Variants in CAMK1D observed in about 807,000 individuals in gnomAD.
The protein encoded by CAMK1D is calcium/calmodulin-dependent protein kinase type 1D.
CAMK1D carries 9 observed loss-of-function variants against 47.7 expected under a neutral mutation model. That is an observed-to-expected ratio of 0.19 (90% CI 0.11 to 0.33). The LOEUF (loss-of-function observed/expected upper bound fraction) is 0.33. CAMK1D is among the 10% of genes least tolerant of loss of function. CAMK1D has a pLI of 1.00. For synonymous variants in CAMK1D, 184 were observed against 184.9 expected, an observed-to-expected ratio of 0.99 and a Z score of 0.04; for missense variants, 291 against 488.7, an observed-to-expected ratio of 0.60 and a Z score of 3.81.
At chr10:12,374,400 G>C (rs1838110356) in intron 1 of CAMK1D, among the ~76,000 whole-genome samples, 1 of 151,998 alleles carries the variant, frequency 6.6e-6, no homozygotes, top group Non-Finnish European at 1.5e-5. Context: ...CATTCCCCGT[G>C]AACTCCTAAA....
intron 1 of CAMK1D, among the ~76,000 whole-genome samples, chr10:12,404,699 T>A (rs79138257): frequency 0.02 from 1,853 of 90,638 alleles, 33 homozygotes; most frequent in African/African-American, 0.072. Flanking sequence ...TTTTTAAAAA[T>A]TTTTTTTTTT....
At chr10:12,385,520 T>C (rs184709806) in intron 1 of CAMK1D, among the ~76,000 whole-genome samples, 153 of 152,330 alleles carry the variant, frequency 1.0e-3, no homozygotes, top group Non-Finnish European at 1.4e-3. Context: ...TACTGTGTGA[T>C]TCCATTTATA....
intron 4 of CAMK1D, among the ~76,000 whole-genome samples, chr10:12,761,424 C>T (rs1217588244): frequency 6.6e-5 from 10 of 152,138 alleles, no homozygotes; most frequent in Admixed American, 6.6e-5. Context: ...ACCCTCCTCC[C>T]GGTGCAGTTC....
At chr10:12,457,528 CTA>C (rs1833289952) in intron 1 of CAMK1D, among the ~76,000 whole-genome samples, 1 of 152,012 alleles carries the variant, frequency 6.6e-6, no homozygotes, top group African/African-American at 2.4e-5. Context: ...TGGCTCACAC[CTA>C]TAATCCCATG....
chr10:12,382,085 A>G (rs1299580212), intron 1 of CAMK1D, among the ~76,000 whole-genome samples: 2 of 152,204 alleles, frequency 1.3e-5, no homozygotes, highest in Non-Finnish European at 2.9e-5. Flanking sequence ...TAATGAAATG[A>G]TATTGAACAA....
chr10:12,431,511 A>G (rs1285276499), intron 1 of CAMK1D, among the ~76,000 whole-genome samples: 1 of 152,176 alleles, frequency 6.6e-6, no homozygotes, highest in Non-Finnish European at 1.5e-5. Context: ...AGGTAGATGC[A>G]ATCCCCTCAC....
chr10:12,650,681 G>A (rs1023106835), intron 2 of CAMK1D, among the ~76,000 whole-genome samples: 3 of 149,662 alleles, frequency 2.0e-5, no homozygotes, highest in Non-Finnish European at 4.4e-5. Flanking sequence ...CACTCCACCC[G>A]CCCCAATCTG....
chr10:12,597,557 C>A (rs1023533896), intron 2 of CAMK1D, among the ~76,000 whole-genome samples: 2 of 152,200 alleles, frequency 1.3e-5, no homozygotes, highest in African/African-American at 4.8e-5. Context: ...GGGATTAGAC[C>A]CTATGCAGAG....
At chr10:12,558,048 G>A (rs1836821394) in intron 2 of CAMK1D, among the ~76,000 whole-genome samples, 1 of 152,228 alleles carries the variant, frequency 6.6e-6, no homozygotes, top group South Asian at 2.1e-4. Flanking sequence ...CTCTGCAGCT[G>A]TGAGGACCGG....
chr10:12,417,545 G>C (rs542150165), intron 1 of CAMK1D, among the ~76,000 whole-genome samples: 9 of 152,302 alleles, frequency 5.9e-5, no homozygotes, highest in Non-Finnish European at 1.3e-4. Context: ...CTCCGGCTGG[G>C]GTGGGGAGAT....
chr10:12,661,717 T>C (rs1840279829), intron 2 of CAMK1D, among the ~76,000 whole-genome samples: 1 of 152,110 alleles, frequency 6.6e-6, no homozygotes, highest in African/African-American at 2.4e-5. Flanking sequence ...GAGAAAACAA[T>C]GTAAGAGAGG....
chr10:12,394,613 C>T (rs114438586), intron 1 of CAMK1D, among the ~76,000 whole-genome samples: 148 of 152,224 alleles, frequency 9.7e-4, no homozygotes, highest in African/African-American at 3.3e-3. Context: ...CAGGCAGACA[C>T]CAAAGATAGA....
intron 1 of CAMK1D, among the ~76,000 whole-genome samples, chr10:12,518,305 A>G (rs962019029): frequency 2.0e-5 from 3 of 152,242 alleles, no homozygotes; most frequent in African/African-American, 7.2e-5. Flanking sequence ...GTTATGACAG[A>G]GACCATATGA....
chr10:12,560,570 A>AAG (rs1836907757), intron 2 of CAMK1D, among the ~76,000 whole-genome samples: 1 of 151,552 alleles, frequency 6.6e-6, no homozygotes, highest in Non-Finnish European at 1.5e-5. Context: ...AAAAAAAAAA[A>AAG]AAGAAGAAGA....
chr10:12,439,361 C>T (rs975288926), intron 1 of CAMK1D, among the ~76,000 whole-genome samples: 22 of 152,066 alleles, frequency 1.4e-4, no homozygotes, highest in African/African-American at 4.8e-4. Context: ...GGGAGAGCCA[C>T]GTGTTTTTCA....
intron 6 of CAMK1D, among the ~76,000 whole-genome samples, chr10:12,804,771 C>CAAAA (rs569089576): frequency 2.4e-5 from 3 of 126,270 alleles, no homozygotes; most frequent in Non-Finnish European, 3.3e-5. Context: ...CTGTCTGTAC[C>CAAAA]AAAAAAAAAA....
At chr10:12,593,098 C>G (rs932382019) in intron 2 of CAMK1D, among the ~76,000 whole-genome samples, 6 of 152,190 alleles carry the variant, frequency 3.9e-5, no homozygotes, top group Non-Finnish European at 7.3e-5. Flanking sequence ...GGCAACTACT[C>G]AAGTCTGATG....
At chr10:12,828,698 A>C in intron 10 of CAMK1D, 71 bp from the exon 11 acceptor site, 1 of 1,276,334 alleles carries the variant, frequency 7.8e-7, no homozygotes, top group Non-Finnish European at 1.1e-6. Context: ...CCCCTCTGAC[A>C]CCTGGCAGTG....
At chr10:12,374,105 T>C (rs547787407) in intron 1 of CAMK1D, among the ~76,000 whole-genome samples, 1 of 149,452 alleles carries the variant, frequency 6.7e-6, no homozygotes, top group Non-Finnish European at 1.5e-5. Context: ...ACTAAAAATA[T>C]AGAAATTAGC....
Sources: allele counts gnomAD v4.1 joint callset (sites outside exome capture counted in the v4.1 genomes callset), GRCh38; gene constraint gnomAD v4.1.1; transcripts MANE v1.5; gene names NCBI Gene and HGNC (gene_info 2026-07-23, HGNC 2026-07-21).